Variants in PCDH11Y observed in about 807,000 individuals in gnomAD.
The protein encoded by PCDH11Y is protocadherin-11 Y-linked.
For synonymous variants in PCDH11Y, 9 were observed against 83.6 expected (o/e 0.11, Z 4.87); for missense variants, 12 against 224.8 (o/e 0.05, Z 6.05).
At chrY:5,436,634 T>C (rs2053275586) in intron 2 of PCDH11Y, among the ~76,000 whole-genome samples, 1 of 33,271 alleles carries the variant, frequency 3.0e-5, no homozygotes, top group East Asian at 8.0e-4. Flanking sequence ...TCTATGGCTT[T>C]ATGAAGTCGT....
intron 2 of PCDH11Y, among the ~76,000 whole-genome samples, chrY:5,224,245 G>A (rs2052957292): frequency 4.4e-5 from 1 of 22,753 alleles, no homozygotes; most frequent in Non-Finnish European, 9.8e-5. Flanking sequence ...GAGACTCAGA[G>A]GTAGTCATGG....
At chrY:5,321,140 T>C in intron 2 of PCDH11Y, among the ~76,000 whole-genome samples, 2 of 31,901 alleles carry the variant, frequency 6.3e-5, no homozygotes, top group Admixed American at 5.8e-4. Flanking sequence ...GAAAAAGAGG[T>C]TTAATGGACT....
chrY:5,386,174 G>C (rs2053215211), intron 2 of PCDH11Y, among the ~76,000 whole-genome samples: 1 of 33,548 alleles, frequency 3.0e-5, no homozygotes, highest in Admixed American at 2.8e-4. Flanking sequence ...AGAAGTTAAA[G>C]ATAGGGCCCC....
chrY:5,018,545 TTAAATAAC>T (rs2052564044), intron 1 of PCDH11Y, among the ~76,000 whole-genome samples: 2 of 31,444 alleles, frequency 6.4e-5, no homozygotes, highest in Non-Finnish European at 1.5e-4. Flanking sequence ...TCTCTCAGCA[TTAAATAAC>T]TAAATAACAT....
At chrY:5,357,675 T>A in intron 2 of PCDH11Y, among the ~76,000 whole-genome samples, 1 of 32,925 alleles carries the variant, frequency 3.0e-5, no homozygotes, top group Non-Finnish European at 7.4e-5. Context: ...CGTTTATATA[T>A]GAAGAGAATA....
upstream of PCDH11Y, among the ~76,000 whole-genome samples, chrY:5,053,983 T>G: frequency 3.4e-5 from 1 of 29,404 alleles, no homozygotes; most frequent in African/African-American, 1.4e-4. Flanking sequence ...AGTTAATGGG[T>G]GCAGCACACC....
intron 1 of PCDH11Y, among the ~76,000 whole-genome samples, chrY:5,082,767 A>T: frequency 3.1e-5 from 1 of 31,855 alleles, no homozygotes; most frequent in Admixed American, 2.9e-4. Context: ...CCCCAGTGAG[A>T]TCAGAGTTCT....
chrY:5,632,295 T>G, intron 4 of PCDH11Y, among the ~76,000 whole-genome samples: 1 of 32,468 alleles, frequency 3.1e-5, no homozygotes, highest in Non-Finnish European at 7.5e-5. Flanking sequence ...AGTATATTCG[T>G]ATGCTTACTA....
intron 4 of PCDH11Y, among the ~76,000 whole-genome samples, chrY:5,719,691 T>C: frequency 3.1e-5 from 1 of 32,589 alleles, no homozygotes; most frequent in African/African-American, 1.2e-4. Context: ...AGAAGGGAAA[T>C]GTGAGGTGGG....
At chrY:5,436,608 G>A (rs2574032) in intron 2 of PCDH11Y, among the ~76,000 whole-genome samples, 2 of 33,117 alleles carry the variant, frequency 6.0e-5, no homozygotes, top group African/African-American at 2.4e-4. Flanking sequence ...GCTTAATCAT[G>A]GGGACTCGGG....
intron 2 of PCDH11Y, among the ~76,000 whole-genome samples, chrY:5,222,394 A>C: frequency 6.1e-5 from 2 of 32,822 alleles, no homozygotes. Flanking sequence ...AGAATTCACC[A>C]ATAAAGCCAT....
intron 2 of PCDH11Y, among the ~76,000 whole-genome samples, chrY:5,179,894 C>A: frequency 3.1e-5 from 1 of 32,354 alleles, no homozygotes; most frequent in African/African-American, 1.2e-4. Flanking sequence ...TTCACCATTG[C>A]TGGCTTTTGT....
At chrY:5,077,947 C>T in intron 1 of PCDH11Y, among the ~76,000 whole-genome samples, 2 of 30,732 alleles carry the variant, frequency 6.5e-5, no homozygotes, top group Admixed American at 3.0e-4. Context: ...AAATGTGTGC[C>T]GTGGTGATTT....
intron 2 of PCDH11Y, among the ~76,000 whole-genome samples, chrY:5,448,492 A>C: frequency 3.0e-5 from 1 of 33,492 alleles, no homozygotes. Flanking sequence ...TAAACACTGT[A>C]CTACTGTAAT....
chrY:5,257,254 A>T (rs2053012319), intron 2 of PCDH11Y, among the ~76,000 whole-genome samples: 2 of 32,990 alleles, frequency 6.1e-5, no homozygotes, highest in Non-Finnish European at 1.5e-4. Flanking sequence ...TCATGAAGGG[A>T]TGTTGAATTT....
intron 4 of PCDH11Y, among the ~76,000 whole-genome samples, chrY:5,704,671 C>G: frequency 2.2e-4 from 7 of 31,520 alleles, no homozygotes; most frequent in Non-Finnish European, 5.4e-4. Flanking sequence ...CCTCATGATC[C>G]ACCCGCCTCG....
At chrY:5,429,229 C>T (rs2053266222) in intron 2 of PCDH11Y, among the ~76,000 whole-genome samples, 27 of 33,485 alleles carry the variant, frequency 8.1e-4, no homozygotes, top group African/African-American at 3.1e-3. Context: ...AAGAAAAGTG[C>T]AATCAATATG....
At chrY:5,315,060 A>G (rs2053105658) in intron 2 of PCDH11Y, among the ~76,000 whole-genome samples, 1 of 33,255 alleles carries the variant, frequency 3.0e-5, no homozygotes. Flanking sequence ...GTTTTGATTC[A>G]TCAATACTCC....
intron 1 of PCDH11Y, among the ~76,000 whole-genome samples, chrY:5,003,723 C>T (rs2052535548): frequency 3.0e-5 from 1 of 33,793 alleles, no homozygotes; most frequent in African/African-American, 1.2e-4. Context: ...CCCTTTTGAG[C>T]TTGCTCTTAT....
Sources: allele counts gnomAD v4.1 joint callset (sites outside exome capture counted in the v4.1 genomes callset), GRCh38; gene constraint gnomAD v4.1.1; transcripts MANE v1.5; gene names NCBI Gene and HGNC (gene_info 2026-07-23, HGNC 2026-07-21).